Variants in VBP1 observed in about 807,000 individuals in gnomAD.
VBP1 encodes the protein VHL binding protein 1.
A neutral mutation model predicts 15.5 loss-of-function variants in VBP1; 4 were observed. The ratio of observed to expected loss-of-function variants is 0.26; its 90% confidence interval spans 0.13 to 0.59. VBP1 has a LOEUF of 0.59. Among genes scored for constraint, VBP1 ranks in the 20% least tolerant of loss-of-function variants. The pLI is 0.90. For missense variants in VBP1, 108 were observed against 139.6 expected, an observed-to-expected ratio of 0.77 and a Z score of 1.14; for synonymous variants, 61 against 52.1, an observed-to-expected ratio of 1.17 and a Z score of -0.74.
upstream of VBP1, among the ~76,000 whole-genome samples, chrX:155,215,825 G>A (rs1437876753): frequency 8.9e-6 from 1 of 112,122 alleles, no homozygotes; most frequent in Non-Finnish European, 1.9e-5. Context: ...TAGAAGCCTA[G>A]GTGGAGTTCT....
chrX:155,232,145 A>G (rs2074750117), intron 4 of VBP1, among the ~76,000 whole-genome samples: 2 of 110,604 alleles, frequency 1.8e-5, no homozygotes, highest in South Asian at 3.7e-4. Flanking sequence ...AGGTTTTTGT[A>G]TGACAAAATG....
chrX:155,232,561 G>A (rs891019158), intron 4 of VBP1, among the ~76,000 whole-genome samples: 2 of 112,050 alleles, frequency 1.8e-5, no homozygotes, highest in African/African-American at 6.5e-5. Flanking sequence ...CCTCCCAATG[G>A]CCAGTAAACA....
chrX:155,199,902 G>C (rs201378084), intron 1 of VBP1, among the ~76,000 whole-genome samples: 854 of 75,496 alleles, frequency 0.011, no homozygotes, highest in East Asian at 0.018. Flanking sequence ...CAAAATAAAA[G>C]GATGGAGGAA....
chrX:155,229,984 G>C (rs1217812206), intron 4 of VBP1, among the ~76,000 whole-genome samples: 1 of 111,681 alleles, frequency 9.0e-6, no homozygotes, highest in African/African-American at 3.3e-5. Flanking sequence ...TTTGTCTCTT[G>C]CCAGGACTGT....
chrX:155,222,401 G>T (rs782696294), intron 2 of VBP1, among the ~76,000 whole-genome samples: 18 of 111,320 alleles, frequency 1.6e-4, no homozygotes, highest in Non-Finnish European at 3.2e-4. Flanking sequence ...CTTAAGCCAG[G>T]GAGGTTGAGG....
Position 155,223,207 on chromosome X carries a change from A to AT in VBP1, c.218+2907dup, listed in dbSNP as rs1557309784. Among the ~76,000 whole-genome samples the AT allele has an allele frequency of 2.0e-4, 3 of 14,739 alleles. No homozygotes were observed. The Admixed American group carries it at 2.4e-3, about 12-fold the overall frequency. The allele number at this position is 14,739 out of a possible 115,157, so 12.8% of individuals were successfully genotyped here. ...TTCAGCCTATTTCTTTCTTTTTTTA[A>AT]TTTTTTTAGTATTGATCATTCTTGG... On this transcript the variant is annotated intron_variant, in intron 2 of 5. Transcript: ENST00000286428.
intron 2 of VBP1, among the ~76,000 whole-genome samples, chrX:155,209,136 T>C (rs2074636265): frequency 8.9e-6 from 1 of 112,470 alleles, no homozygotes; most frequent in Non-Finnish European, 1.9e-5. Context: ...TTCATCATCA[T>C]AGAAAGACAC....
At chrX:155,204,812 T>C (rs1307798021) in intron 1 of VBP1, among the ~76,000 whole-genome samples, 1 of 112,383 alleles carries the variant, frequency 8.9e-6, no homozygotes, top group Non-Finnish European at 1.9e-5. Flanking sequence ...TTCTAAGAGT[T>C]ATGAACTACT....
At chrX:155,235,753 C>T (rs2074769174) in intron 4 of VBP1, among the ~76,000 whole-genome samples, 1 of 111,948 alleles carries the variant, frequency 8.9e-6, no homozygotes, top group Admixed American at 9.4e-5. Context: ...TTGATACAAA[C>T]AACACTATTT....
upstream of VBP1, chrX:155,216,295 C>A: frequency 1.0e-6 from 1 of 954,642 alleles, no homozygotes; most frequent in African/African-American, 2.0e-5. Flanking sequence ...TACCTGAGCG[C>A]AGCCAATCAG....
intron 1 of VBP1, chrX:155,208,817 G>A: frequency 2.6e-6 from 2 of 761,139 alleles, no homozygotes; most frequent in Non-Finnish European, 1.9e-6. Context: ...ATTGTATTAG[G>A]AGAGCAATTA....
At chrX:155,212,376 T>G (rs2074648004), upstream of VBP1, among the ~76,000 whole-genome samples, 1 of 111,420 alleles carries the variant, frequency 9.0e-6, no homozygotes, top group Non-Finnish European at 1.9e-5. Context: ...GCAGAGGGAT[T>G]TGGAGGGTGT....
intron 1 of VBP1, among the ~76,000 whole-genome samples, chrX:155,200,332 A>T (rs1407792891): frequency 9.5e-6 from 1 of 105,354 alleles, no homozygotes; most frequent in Non-Finnish European, 2.0e-5. Flanking sequence ...CACCACACCT[A>T]TTCCAAAATT....
At chrX:155,206,707 G>A (rs1165167030) in intron 1 of VBP1, among the ~76,000 whole-genome samples, 3 of 110,943 alleles carry the variant, frequency 2.7e-5, no homozygotes, top group African/African-American at 9.8e-5. Flanking sequence ...CTGGGGCAAG[G>A]AAATGAGAAG....
chrX:155,227,437 G>A (rs1426144868), intron 3 of VBP1, 136 bp downstream of exon 3: 8 of 374,215 alleles, frequency 2.1e-5, no homozygotes, highest in Non-Finnish European at 2.7e-5. Flanking sequence ...ATACACTAAT[G>A]TTATGATGTG....
chrX:155,236,991 A>G (rs140332126), intron 5 of VBP1, among the ~76,000 whole-genome samples: 2 of 112,624 alleles, frequency 1.8e-5, no homozygotes, highest in East Asian at 2.8e-4. Flanking sequence ...ATAGCAAACT[A>G]TAAGTAAGTT....
intron 1 of VBP1, among the ~76,000 whole-genome samples, chrX:155,199,664 G>T (rs2074593932): frequency 8.9e-6 from 1 of 112,084 alleles, no homozygotes; most frequent in East Asian, 2.8e-4. Context: ...ATGCCAAATT[G>T]TAAAGACCAT....
chrX:155,200,354 T>G lies in VBP1; in HGVS notation c.-31+3215T>G, dbSNP rs1202185240. Among the ~76,000 whole-genome samples the G allele has an allele frequency of 3.8e-5, 4 of 105,904 alleles. No homozygotes were observed. In the East Asian group the frequency reaches 1.2e-3, roughly 31 times the overall value. The allele number at this position is 105,904 out of a possible 115,157, so 92.0% of individuals were successfully genotyped here. ...CCTATTCCAAAATTGACCACATAGT[T>G]GGAAGTAAAGCTCTCCTCAGCAAAT... On this transcript the variant is annotated intron_variant, in intron 1 of 6. Transcript: ENST00000535916.
chrX:155,197,672 C>T (rs1421558493), intron 1 of VBP1, among the ~76,000 whole-genome samples: 19 of 111,878 alleles, frequency 1.7e-4, no homozygotes, highest in African/African-American at 5.8e-4. Flanking sequence ...CAGCTCTGAG[C>T]GTGAGTGACG....
Sources: allele counts gnomAD v4.1 joint callset (sites outside exome capture counted in the v4.1 genomes callset), GRCh38; gene constraint gnomAD v4.1.1; transcripts MANE v1.5; gene names NCBI Gene and HGNC (gene_info 2026-07-23, HGNC 2026-07-21).